Variants in GPBP1L1 observed in about 807,000 individuals in gnomAD.
GPBP1L1 encodes vasculin-like protein 1.
Under a neutral mutation model 52.5 loss-of-function variants are expected in GPBP1L1, and 23 were observed. The observed-to-expected ratio is 0.44, with a 90% confidence interval of 0.32 to 0.62. The LOEUF (loss-of-function observed/expected upper bound fraction) is 0.62, where lower values mean the gene tolerates loss of function less well. Ranked by LOEUF, GPBP1L1 falls within the 20% of genes least tolerant of loss-of-function variation. The probability of loss-of-function intolerance (pLI) is 0.06; values close to 1 mark genes in which losing one functional copy is unlikely to be tolerated. For synonymous variants in GPBP1L1, 243 were observed against 203.1 expected (o/e 1.20, Z -1.67); for missense variants, 596 against 579.3 (o/e 1.03, Z -0.30).
Position 45,685,563 on chromosome 1 carries a change from T to C in GPBP1L1, c.-1098+13A>G, listed in dbSNP as rs997637149. 1 of 152,210 alleles carries C rather than the reference T, an allele frequency of 6.6e-6. No homozygotes were observed. The highest frequency in any genetic ancestry group is 6.5e-5 in the Admixed American group (1 of 15,278). The allele number at this position is 152,210 out of a possible 1,614,324, so 9.4% of individuals were successfully genotyped here. A position where few individuals can be genotyped will look rare whatever the true frequency, so the allele number is the denominator to read the frequency against. Reference sequence around the variant, plus strand: ...ATGTAAACTTTTGGAATAGTCAACTTTGTGAGCCTCACCTTTGTTTTCACC... The same window carrying C: ...ATGTAAACTTTTGGAATAGTCAACTCTGTGAGCCTCACCTTTGTTTTCACC... On this transcript the variant is annotated intron_variant, in intron 2 of 12. Coordinates refer to ENST00000355105, the MANE Select transcript of GPBP1L1 (RefSeq NM_021639.5).
intron 2 of GPBP1L1, among the ~76,000 whole-genome samples, chr1:45,670,705 T>C (rs919027045): frequency 1.6e-4 from 24 of 152,234 alleles, no homozygotes; most frequent in Non-Finnish European, 1.2e-4. Context: ...CTATCATAAA[T>C]TGTTTCTATA....
chr1:45,651,537 G>T (rs775027792), intron 6 of GPBP1L1: 1 of 539,862 alleles, frequency 1.9e-6, no homozygotes, highest in Non-Finnish European at 3.4e-6. Flanking sequence ...TTGTGGGCCA[G>T]CTTAAGTAGC....
In GPBP1L1 at chr1:45,673,607, A is replaced by G. The variant is rs554762987; in HGVS notation, c.-1098+11969T>C. Among the ~76,000 whole-genome samples the G allele has an allele frequency of 2.0e-5, 3 of 152,356 alleles. No homozygotes were observed. In the South Asian group the frequency reaches 6.2e-4, roughly 32 times the overall value. On this transcript the variant is annotated intron_variant, in intron 2 of 12. Coordinates refer to ENST00000355105, the MANE Select transcript of GPBP1L1 (RefSeq NM_021639.5). ...CTGGGCGCGGTGGCTCACGCCTGTA[A>G]TCCCAGCACTTTGGGAGGCCAATGC...
At chr1:45,685,379 T>C (rs1038784821) in intron 2 of GPBP1L1, among the ~76,000 whole-genome samples, 197 bp downstream of exon 2, 1 of 152,210 alleles carries the variant, frequency 6.6e-6, no homozygotes, top group African/African-American at 2.4e-5. Context: ...TAACTGTATT[T>C]TTCTGGTAAG....
intron 11 of GPBP1L1, 82 bp downstream of exon 11, chr1:45,630,400 T>A: frequency 6.7e-7 from 1 of 1,497,316 alleles, no homozygotes; most frequent in South Asian, 1.2e-5. Context: ...GTGGGACCTA[T>A]CTATCTGAGA....
At chr1:45,637,532 C>G (rs1406871969) in intron 8 of GPBP1L1, among the ~76,000 whole-genome samples, 1 of 152,000 alleles carries the variant, frequency 6.6e-6, no homozygotes, top group African/African-American at 2.4e-5. Context: ...AGAGCAGCAG[C>G]CTTTATATTA....
intron 2 of GPBP1L1, among the ~76,000 whole-genome samples, chr1:45,675,682 G>T (rs1174864109): frequency 1.3e-5 from 2 of 152,130 alleles, no homozygotes; most frequent in African/African-American, 4.8e-5. Flanking sequence ...AAGGACTACA[G>T]GCACCTATCA....
Position 45,629,578 on chromosome 1 carries a change from GC to G in GPBP1L1, c.1269del (p.Glu423AspfsTer3). 6.3e-7 allele frequency: 1 copy of G among 1,581,992 alleles called. No individual in the cohort carries two copies. The highest frequency in any genetic ancestry group is 8.7e-7 in the Non-Finnish European group (1 of 1,153,118). On this transcript the variant is annotated frameshift_variant, in exon 12 of 13. Transcript: ENST00000355105. LOFTEE classifies it high-confidence loss of function. ...DELKEFHMKT[E>X]QLRRNGFGKN... ...TAGGAAGAAGGTTTACAACATACCTGCTCTGTCTTCATGTGGAACTCTTTGA... is the reference window on the plus strand; with the variant it reads ...TAGGAAGAAGGTTTACAACATACCTGTCTGTCTTCATGTGGAACTCTTTGA...
intron 6 of GPBP1L1, chr1:45,651,556 T>C (rs1035437492): frequency 3.2e-5 from 19 of 585,076 alleles, no homozygotes; most frequent in African/African-American, 3.2e-4. Context: ...GCTGAGTAGC[T>C]GTTTGGCAGC....
intron 8 of GPBP1L1, chr1:45,635,493 T>C (rs1644582441): frequency 6.6e-6 from 1 of 152,166 alleles, no homozygotes; most frequent in East Asian, 1.9e-4. Context: ...TCTGCCACAG[T>C]AGTACAAAAG....
At chr1:45,636,472 G>A (rs1430701789) in intron 8 of GPBP1L1, among the ~76,000 whole-genome samples, 1 of 152,000 alleles carries the variant, frequency 6.6e-6, no homozygotes, top group Non-Finnish European at 1.5e-5. Flanking sequence ...TTTTTATACA[G>A]GCCTCCATCA....
At chr1:45,635,756 C>G (rs1644586237) in intron 8 of GPBP1L1, 1 of 152,140 alleles carries the variant, frequency 6.6e-6, no homozygotes, top group Non-Finnish European at 1.5e-5. Context: ...CTAGCTTGCT[C>G]CACTTCAGAA....
At chr1:45,658,974 C>T in intron 4 of GPBP1L1, 54 bp downstream of exon 4, 1 of 1,255,424 alleles carries the variant, frequency 8.0e-7, no homozygotes, top group South Asian at 1.2e-5. Context: ...CAACCAAAAC[C>T]ACCCCCAAAC....
At chr1:45,678,847 T>TTTTTTA (rs1645178775) in intron 2 of GPBP1L1, among the ~76,000 whole-genome samples, 2 of 152,284 alleles carry the variant, frequency 1.3e-5, no homozygotes, top group East Asian at 3.9e-4. Context: ...TTTACTCACA[T>TTTTTTA]GGAAAGTGGG....
At chr1:45,628,539 A>C in intron 12 of GPBP1L1, 131 bp from the exon 13 acceptor site, 1 of 703,118 alleles carries the variant, frequency 1.4e-6, no homozygotes, top group Non-Finnish European at 2.3e-6. Context: ...CTTCTAAGAG[A>C]CCCTCTGAGA....
chr1:45,652,591 T>C (rs1644831819), intron 6 of GPBP1L1, among the ~76,000 whole-genome samples: 4 of 152,364 alleles, frequency 2.6e-5, no homozygotes, highest in Middle Eastern at 3.4e-3. Context: ...ATGGTTATAA[T>C]ATTAGATATA....
intron 2 of GPBP1L1, among the ~76,000 whole-genome samples, chr1:45,674,436 C>T (rs1170686197): frequency 6.6e-6 from 1 of 152,180 alleles, no homozygotes; most frequent in Non-Finnish European, 1.5e-5. Context: ...TGTCAGAGAG[C>T]AGCAATGAGT....
rs566952271 is a variant in GPBP1L1 at position 45,660,555 on chromosome 1, T to C, written c.-427A>G. ...GCTTAATTAGGTAAGACATGGATATTTGCACCGAGTGCAAATACTGTTCAT... is the reference window on the plus strand; with the variant it reads ...GCTTAATTAGGTAAGACATGGATATCTGCACCGAGTGCAAATACTGTTCAT... On this transcript the variant is annotated 5_prime_UTR_variant, in exon 3 of 13. Transcript: ENST00000355105. 1.3e-5 allele frequency: 13 copies of C among 985,238 alleles called. No homozygotes were observed. The highest frequency in any genetic ancestry group is 9.4e-5 in the South Asian group (2 of 21,282). 61.0% of individuals were successfully genotyped at this position (985,238 alleles called of 1,614,324 possible). A position where few individuals can be genotyped will look rare whatever the true frequency, so the allele number is the denominator to read the frequency against.
chr1:45,628,506 G>A, intron 12 of GPBP1L1, 98 bp from the exon 13 acceptor site: 1 of 1,114,170 alleles, frequency 9.0e-7, no homozygotes, highest in Non-Finnish European at 1.3e-6. Flanking sequence ...TTCAATTCTA[G>A]GTAGAATGTG....
Sources: allele counts gnomAD v4.1 joint callset (sites outside exome capture counted in the v4.1 genomes callset), GRCh38; gene constraint gnomAD v4.1.1; transcripts MANE v1.5; gene names NCBI Gene and HGNC (gene_info 2026-07-23, HGNC 2026-07-21).